The following KDM4C variants were observed in gnomAD, a reference collection of about 807,000 sequenced individuals.
KDM4C encodes the protein lysine demethylase 4C.
In KDM4C, 81 loss-of-function variants were observed where a neutral mutation model predicts 129.3. The observed-to-expected ratio is 0.63, with a 90% CI of 0.52 to 0.75. The LOEUF (loss-of-function observed/expected upper bound fraction) is 0.75, where lower values mean the gene tolerates loss of function less well. Among genes scored for constraint, KDM4C ranks in the 30% least tolerant of loss-of-function variants. The pLI is 0.00. For synonymous variants in KDM4C, 573 were observed against 456.1 expected (o/e 1.26, Z -3.26); for missense variants, 1,457 against 1,304.0 (o/e 1.12, Z -1.81).
chr9:6,898,536 TG>T (rs1175004365), intron 8 of KDM4C, among the ~76,000 whole-genome samples: 1 of 152,232 alleles, frequency 6.6e-6, no homozygotes, highest in Non-Finnish European at 1.5e-5. Context: ...ACTGCAGAGC[TG>T]GGAATGTTCT....
upstream of KDM4C, chr9:6,757,846 C>G (rs1365736552): frequency 1.2e-5 from 12 of 985,498 alleles, no homozygotes; most frequent in Non-Finnish European, 1.4e-5. Context: ...CCTAAGTTAA[C>G]CACAGCGCGG....
chr9:6,856,989 C>T (rs1839978308), intron 5 of KDM4C, among the ~76,000 whole-genome samples: 8 of 152,074 alleles, frequency 5.3e-5, no homozygotes, highest in Admixed American at 5.2e-4. Flanking sequence ...GATCTCCTGA[C>T]CTCATGATCC....
At chr9:6,767,572 C>T (rs199558508) in intron 1 of KDM4C, among the ~76,000 whole-genome samples, 1 of 152,134 alleles carries the variant, frequency 6.6e-6, no homozygotes, top group Admixed American at 6.5e-5. Context: ...GTAGCTGGGA[C>T]TACAGGCACC....
At chr9:6,894,108 A>G (rs550142053) in intron 8 of KDM4C, among the ~76,000 whole-genome samples, 6 of 152,372 alleles carry the variant, frequency 3.9e-5, no homozygotes, top group East Asian at 3.9e-4. Flanking sequence ...TTCTACACTG[A>G]TAAAACTTAC....
chr9:6,841,806 C>G (rs892241498), intron 4 of KDM4C, among the ~76,000 whole-genome samples: 1 of 152,194 alleles, frequency 6.6e-6, no homozygotes, highest in African/African-American at 2.4e-5. Flanking sequence ...ATCACCTGTG[C>G]CTGGCAAATG....
chr9:7,001,006 C>G (rs1002072610), intron 12 of KDM4C, among the ~76,000 whole-genome samples: 1 of 152,132 alleles, frequency 6.6e-6, no homozygotes, highest in African/African-American at 2.4e-5. Context: ...CATTTGTGCA[C>G]GTTGGTCATG....
At chr9:6,936,956 C>T (rs1446630420) in intron 8 of KDM4C, among the ~76,000 whole-genome samples, 1 of 152,138 alleles carries the variant, frequency 6.6e-6, no homozygotes, top group Non-Finnish European at 1.5e-5. Context: ...CTTTTATTGA[C>T]TTGGTTTTAG....
intron 17 of KDM4C, among the ~76,000 whole-genome samples, chr9:7,050,441 C>CGAAAAGAAAA (rs1564043832): frequency 7.6e-5 from 1 of 13,208 alleles, no homozygotes; most frequent in African/African-American, 2.0e-4. Flanking sequence ...ACCCAGATTA[C>CGAAAAGAAAA]CAAAAAAAAA....
chr9:7,110,591 G>A (rs1317812785), intron 18 of KDM4C, among the ~76,000 whole-genome samples: 7 of 152,106 alleles, frequency 4.6e-5, no homozygotes, highest in African/African-American at 1.4e-4. Flanking sequence ...CATCCTCTAC[G>A]CGCTTGGATC....
At chr9:6,826,232 CT>C (rs1833848899) in intron 4 of KDM4C, among the ~76,000 whole-genome samples, 1 of 146,544 alleles carries the variant, frequency 6.8e-6, no homozygotes, top group African/African-American at 2.5e-5. Flanking sequence ...GTGTCCTATT[CT>C]TTCCATTTTG....
chr9:6,877,581 T>G (rs2130743329), intron 5 of KDM4C, among the ~76,000 whole-genome samples: 1 of 152,298 alleles, frequency 6.6e-6, no homozygotes, highest in Non-Finnish European at 1.5e-5. Flanking sequence ...CCCTAGGGCT[T>G]TATTGACAGA....
chr9:6,967,767 G>T (rs138843362), intron 8 of KDM4C, among the ~76,000 whole-genome samples: 1 of 152,100 alleles, frequency 6.6e-6, no homozygotes, highest in East Asian at 1.9e-4. Context: ...CAGAAGATCC[G>T]GGATGATACA....
intron 19 of KDM4C, among the ~76,000 whole-genome samples, chr9:7,155,711 G>T (rs1218502414): frequency 2.0e-5 from 3 of 152,134 alleles, no homozygotes; most frequent in Non-Finnish European, 4.4e-5. Context: ...GGCTGACATG[G>T]TATTCCATGG....
At chr9:6,785,598 A>C (rs1825319725) in intron 1 of KDM4C, among the ~76,000 whole-genome samples, 1 of 152,156 alleles carries the variant, frequency 6.6e-6, no homozygotes, top group African/African-American at 2.4e-5. Context: ...TGGCCTCCCA[A>C]AGTGCTGGGA....
At chr9:7,119,917 C>T (rs1442818436) in intron 18 of KDM4C, among the ~76,000 whole-genome samples, 1 of 152,172 alleles carries the variant, frequency 6.6e-6, no homozygotes, top group Non-Finnish European at 1.5e-5. Flanking sequence ...TCAGCCATGT[C>T]TGTCTCTCTT....
intron 17 of KDM4C, among the ~76,000 whole-genome samples, chr9:7,080,298 C>T (rs906780315): frequency 6.6e-6 from 1 of 152,104 alleles, no homozygotes; most frequent in Non-Finnish European, 1.5e-5. Flanking sequence ...GCAAAGAGAC[C>T]CTAGAGCCCA....
At chr9:6,918,670 A>C (rs1820776447) in intron 8 of KDM4C, among the ~76,000 whole-genome samples, 1 of 152,138 alleles carries the variant, frequency 6.6e-6, no homozygotes, top group Non-Finnish European at 1.5e-5. Context: ...CTACAGCCTC[A>C]CTAGCATGTA....
intron 5 of KDM4C, among the ~76,000 whole-genome samples, chr9:6,870,041 G>GT (rs1842624770): frequency 6.6e-6 from 1 of 152,120 alleles, no homozygotes; most frequent in Non-Finnish European, 1.5e-5. Context: ...TTGACAATTG[G>GT]TTATGAGTAT....
At chr9:6,735,662 G>A (rs1817504796) in intron 1 of KDM4C, among the ~76,000 whole-genome samples, 1 of 152,174 alleles carries the variant, frequency 6.6e-6, no homozygotes, top group Non-Finnish European at 1.5e-5. Context: ...AGACTGTGAG[G>A]CCTCCTCACC....
Sources: allele counts gnomAD v4.1 joint callset (sites outside exome capture counted in the v4.1 genomes callset), GRCh38; gene constraint gnomAD v4.1.1; transcripts MANE v1.5; gene names NCBI Gene and HGNC (gene_info 2026-07-23, HGNC 2026-07-21).